HECW1: variants seen among roughly 807,000 people sequenced by gnomAD.
HECW1 encodes HECT, C2 and WW domain containing E3 ubiquitin protein ligase 1, also known as E3 ubiquitin-protein ligase HECW1.
In HECW1, 61 loss-of-function variants were observed where a neutral mutation model predicts 182.3. The ratio of observed to expected loss-of-function variants is 0.33; its 90% CI spans 0.27 to 0.41. The LOEUF is 0.41. Among genes scored for constraint, HECW1 ranks in the 10% least tolerant of loss-of-function variants. The pLI is 1.00. For synonymous variants in HECW1, 859 were observed against 832.6 expected, an observed-to-expected ratio of 1.03 and a Z score of -0.55; for missense variants, 1,739 against 2,108.9, an observed-to-expected ratio of 0.82 and a Z score of 3.44.
chr7:43,287,605 T>C (rs1804820236), intron 3 of HECW1, among the ~76,000 whole-genome samples: 1 of 152,108 alleles, frequency 6.6e-6, no homozygotes, highest in African/African-American at 2.4e-5. Flanking sequence ...CCCAATGTGC[T>C]GGGATTACAG....
chr7:43,399,684 G>C (rs982949145), intron 7 of HECW1, among the ~76,000 whole-genome samples: 1 of 152,128 alleles, frequency 6.6e-6, no homozygotes, highest in Admixed American at 6.5e-5. Context: ...ACCCCAACTT[G>C]GTTCACAAAG....
chr7:43,300,053 G>A (rs1385136931), intron 3 of HECW1, among the ~76,000 whole-genome samples: 4 of 152,240 alleles, frequency 2.6e-5, no homozygotes, highest in African/African-American at 9.6e-5. Context: ...GCAAGGCTTT[G>A]TCTTTGCCTC....
intron 8 of HECW1, among the ~76,000 whole-genome samples, chr7:43,417,638 G>A (rs1290951053): frequency 6.6e-6 from 1 of 152,088 alleles, no homozygotes; most frequent in Non-Finnish European, 1.5e-5. Flanking sequence ...TGCGGTGGGA[G>A]TATCACTTGA....
At chr7:43,332,743 T>A (rs1226461539) in intron 5 of HECW1, among the ~76,000 whole-genome samples, 2 of 152,136 alleles carry the variant, frequency 1.3e-5, no homozygotes, top group Non-Finnish European at 2.9e-5. Context: ...AAGGCTACTG[T>A]CCTGAGTAGA....
chr7:43,408,706 A>G (rs1307979265), intron 8 of HECW1, among the ~76,000 whole-genome samples: 1 of 152,014 alleles, frequency 6.6e-6, no homozygotes, highest in Non-Finnish European at 1.5e-5. Flanking sequence ...AGAAAAAAGA[A>G]AGTCATCACC....
intron 8 of HECW1, among the ~76,000 whole-genome samples, chr7:43,420,668 T>C (rs2076152664): frequency 6.6e-6 from 1 of 152,162 alleles, no homozygotes; most frequent in Admixed American, 6.5e-5. Context: ...TATTTCTATA[T>C]GCAAATAGAA....
At chr7:43,463,858 G>A in intron 14 of HECW1, 59 bp downstream of exon 14, 3 of 1,574,206 alleles carry the variant, frequency 1.9e-6, no homozygotes, top group Non-Finnish European at 2.6e-6. Flanking sequence ...GTGACAGAGG[G>A]CTACAAGCCT....
Position 43,424,665 on chromosome 7 carries a change from CA to C in HECW1, c.802-13337del, listed in dbSNP as rs2076298751. 1.2e-4 allele frequency among the ~76,000 whole-genome samples: 19 copies of C among 152,168 alleles called. No homozygotes were observed. The South Asian group carries it at 3.3e-3, about 27-fold the overall frequency. On this transcript the variant is annotated intron_variant, in intron 8 of 29. Transcript: ENST00000395891. ...TAAATAAATAAATAAAATAAAACAG[CA>C]GTCTTTTCAAAGTTAAAAATATCAG...
At chr7:43,506,503 A>G (rs1333593089) in intron 21 of HECW1, among the ~76,000 whole-genome samples, 1 of 152,200 alleles carries the variant, frequency 6.6e-6, no homozygotes, top group African/African-American at 2.4e-5. Context: ...ACTTTAGTAT[A>G]TTATTTCTAT....
At chr7:43,131,147 T>C (rs1786874443) in intron 2 of HECW1, among the ~76,000 whole-genome samples, 1 of 152,122 alleles carries the variant, frequency 6.6e-6, no homozygotes, top group African/African-American at 2.4e-5. Context: ...ACGCGTGTAA[T>C]CCCAGCTACT....
chr7:43,504,450 G>C (rs1024985540), intron 21 of HECW1, among the ~76,000 whole-genome samples: 2 of 152,122 alleles, frequency 1.3e-5, no homozygotes, highest in African/African-American at 4.8e-5. Context: ...ATGCAGCGTA[G>C]ATTCTGCGGT....
intron 7 of HECW1, among the ~76,000 whole-genome samples, chr7:43,404,951 G>A (rs2075555741): frequency 6.6e-6 from 1 of 151,706 alleles, no homozygotes; most frequent in African/African-American, 2.4e-5. Context: ...ACTCCAGCCT[G>A]GGCAACAAGA....
chr7:43,424,025 G>T (rs1045614662), intron 8 of HECW1, among the ~76,000 whole-genome samples: 1 of 152,186 alleles, frequency 6.6e-6, no homozygotes, highest in African/African-American at 2.4e-5. Flanking sequence ...GAATGATGGA[G>T]CAGGCAGGTG....
chr7:43,273,627 A>G lies in HECW1; in HGVS notation c.27+29695A>G, dbSNP rs187615599. On this transcript the variant is annotated intron_variant, in intron 3 of 29. Coordinates refer to ENST00000395891, the MANE Select transcript of HECW1 (RefSeq NM_015052.5). Reference sequence around the variant, plus strand: ...AAATCATAAAAACTCAAAAGAAAATATGGATAAATAAGTTAGAGACAGAAA... The same window carrying G: ...AAATCATAAAAACTCAAAAGAAAATGTGGATAAATAAGTTAGAGACAGAAA... Among the ~76,000 whole-genome samples, 383 of 152,314 alleles carry G rather than the reference A, an allele frequency of 2.5e-3. 1 individual carries two copies. The highest frequency in any genetic ancestry group is 8.9e-3 in the African/African-American group (372 of 41,578).
At chr7:43,507,295 A>G in intron 22 of HECW1, 38 bp downstream of exon 22, 1 of 1,601,408 alleles carries the variant, frequency 6.2e-7, no homozygotes, top group Non-Finnish European at 8.5e-7. Flanking sequence ...TTCAGACAGT[A>G]GATTTTTCAA....
intron 5 of HECW1, among the ~76,000 whole-genome samples, chr7:43,343,414 C>T (rs1037080250): frequency 6.6e-6 from 1 of 151,654 alleles, no homozygotes; most frequent in African/African-American, 2.4e-5. Context: ...TGCTATCCCT[C>T]ACCCTGCCCC....
intron 3 of HECW1, among the ~76,000 whole-genome samples, chr7:43,266,491 C>T (rs574901935): frequency 3.4e-4 from 51 of 152,226 alleles, no homozygotes; most frequent in African/African-American, 1.1e-3. Flanking sequence ...TCTGCCACCA[C>T]GCCCAGCTAA....
chr7:43,398,527 A>T (rs1380853688), intron 7 of HECW1, among the ~76,000 whole-genome samples: 2 of 152,204 alleles, frequency 1.3e-5, no homozygotes, highest in Non-Finnish European at 2.9e-5. Flanking sequence ...CTACACTGTT[A>T]ACTGGGCTTT....
At chr7:43,187,380 T>A (rs1390097137) in intron 2 of HECW1, among the ~76,000 whole-genome samples, 1 of 152,220 alleles carries the variant, frequency 6.6e-6, no homozygotes, top group East Asian at 1.9e-4. Flanking sequence ...TGTCAAAGAA[T>A]CTGTGGACGT....
Sources: gnomAD v4.1 joint callset for allele counts (sites outside exome capture counted in the v4.1 genomes callset) on GRCh38, gnomAD v4.1.1 for gene constraint, MANE v1.5 for transcripts, NCBI Gene and HGNC (gene_info 2026-07-23, HGNC 2026-07-21) for gene names.